PPP1R13L: variants seen among roughly 807,000 people sequenced by gnomAD.
PPP1R13L encodes the protein relA-associated inhibitor.
In PPP1R13L, 50 loss-of-function variants were observed where a neutral mutation model predicts 80.9. The observed-to-expected ratio is 0.62, with a 90% CI of 0.49 to 0.78. The LOEUF (loss-of-function observed/expected upper bound fraction) is 0.78, where lower values mean the gene tolerates loss of function less well. Ranked by LOEUF, PPP1R13L falls within the 30% of genes least tolerant of loss-of-function variation. The pLI is 0.00. For missense variants in PPP1R13L, 1,200 were observed against 1,205.9 expected (o/e 1.00, Z 0.07); for synonymous variants, 602 against 534.3 (o/e 1.13, Z -1.75).
rs752003459 is a variant in PPP1R13L, at chr19:45,396,581, C to G, written c.676G>C (p.Gly226Arg). Residue 226 changes from glycine (G) to arginine (R), a missense_variant, in exon 4 of 13, where the codon GGC becomes CGC. Coordinates refer to ENST00000360957, the MANE Select transcript of PPP1R13L (RefSeq NM_006663.4). The surrounding 1 kb of genome is among the most constrained non-coding windows in gnomAD (Gnocchi z 5.3). ...SAFGSSLLGS[G>R]GSAFAPPLRA... ...AGAGGCGGGGCGAATGCGCTGCCGC[C>G]GGAGCCTAGCAGGGAGCTCCCGAAG... The G allele has an allele frequency of 8.6e-6, 13 of 1,504,342 alleles. No individual in the cohort carries two copies. The highest frequency in any genetic ancestry group is 1.1e-5 in the Non-Finnish European group (13 of 1,134,680). The allele number at this position is 1,504,342 out of a possible 1,614,324, so 93.2% of individuals were successfully genotyped here.
At position 45,396,104 on chromosome 19, in the gene PPP1R13L, C is replaced by A; in HGVS notation, c.903+64G>T. On this transcript the variant is annotated intron_variant, in intron 6 of 12. Coordinates refer to ENST00000360957, the MANE Select transcript of PPP1R13L (RefSeq NM_006663.4). This position sits in a 1 kb window ranked among gnomAD's most constrained non-coding sequence, Gnocchi z 5.3. The stretch of plus-strand genomic sequence containing the variant: ...CCCCGAGGGGGAGACTGGCCTTGAC[C>A]CCGCTCCCCCACCCCACTCCTCGAC... 1.3e-6 allele frequency: 2 copies of A among 1,521,886 alleles called. No homozygotes were observed. The highest frequency in any genetic ancestry group is 1.8e-6 in the Non-Finnish European group (2 of 1,129,282). 94.3% of individuals were successfully genotyped at this position (1,521,886 alleles called of 1,614,324 possible). A position where few individuals can be genotyped will look rare whatever the true frequency, so the allele number is the denominator to read the frequency against.
In PPP1R13L at chr19:45,382,458, C is replaced by A. The variant is rs1972780782; in HGVS notation, c.2448+69G>T. The A allele has an allele frequency of 1.8e-5, 28 of 1,542,444 alleles. No homozygotes were observed. The South Asian group carries it at 2.9e-4, about 16-fold the overall frequency. On this transcript the variant is annotated intron_variant, in intron 12 of 12. Transcript: ENST00000360957. ...TTGTTCCTGTTGCCTCTTCTTTTTC[C>A]TGTGGGATCCCCCTTTTCCCCAACC...
intron 8 of PPP1R13L, among the ~76,000 whole-genome samples, chr19:45,389,345 C>T (rs1430632575): frequency 2.0e-5 from 3 of 152,124 alleles, no homozygotes; most frequent in Non-Finnish European, 4.4e-5. Flanking sequence ...GATCTCTTCC[C>T]GCTGTCTACG....
chr19:45,392,386 C>A, intron 7 of PPP1R13L, 46 bp from the exon 8 acceptor site: 1 of 1,562,492 alleles, frequency 6.4e-7, no homozygotes. Context: ...CCAGGAGACA[C>A]CCAACACTCC....
At chr19:45,389,916 C>T (rs1291907840) in intron 8 of PPP1R13L, among the ~76,000 whole-genome samples, 3 of 151,828 alleles carry the variant, frequency 2.0e-5, no homozygotes, top group Non-Finnish European at 4.4e-5. Flanking sequence ...CTCTCAGCCT[C>T]CAGAGTAGCT....
intron 11 of PPP1R13L, among the ~76,000 whole-genome samples, 171 bp from the exon 12 acceptor site, chr19:45,382,897 G>A (rs1225641388): frequency 1.3e-5 from 2 of 152,166 alleles, no homozygotes; most frequent in African/African-American, 2.4e-5. Flanking sequence ...GTCAGATGCC[G>A]GGACTGGCCG....
chr19:45,382,997 T>TTTTC (rs1555780571), intron 11 of PPP1R13L, among the ~76,000 whole-genome samples: 1 of 22,842 alleles, frequency 4.4e-5, no homozygotes, highest in Non-Finnish European at 7.2e-5. Context: ...CTTTTCTTTC[T>TTTTC]TTTTTTTTTT....
Position 45,395,422 on chromosome 19 carries a change from C to T in PPP1R13L, c.1354+14G>A. On this transcript the variant is annotated intron_variant, in intron 7 of 12. Coordinates refer to ENST00000360957, the MANE Select transcript of PPP1R13L (RefSeq NM_006663.4). ...CCTTCACCCAGTCCTCTAGGGCCCT[C>T]ATTGCTGACTCACCTTCGTTCACAG... The T allele has an allele frequency of 6.4e-7, 1 of 1,561,276 alleles. No individual in the cohort carries two copies. The highest frequency in any genetic ancestry group is 8.6e-7 in the Non-Finnish European group (1 of 1,160,522).
intron 12 of PPP1R13L, among the ~76,000 whole-genome samples, chr19:45,381,673 G>A (rs970322048): frequency 3.3e-5 from 5 of 151,756 alleles, no homozygotes; most frequent in African/African-American, 9.7e-5. Flanking sequence ...GCACATGCCT[G>A]TAATCCCAGG....
intron 1 of PPP1R13L, among the ~76,000 whole-genome samples, chr19:45,399,632 CAAAT>C (rs959193102): frequency 6.4e-5 from 6 of 94,364 alleles, no homozygotes; most frequent in Admixed American, 5.1e-4. Context: ...TTAAAACAAA[CAAAT>C]AAATAAATAT....
At position 45,396,996 on chromosome 19, in the gene PPP1R13L, CT is replaced by C; in HGVS notation, c.260del (p.Lys87ArgfsTer137). On this transcript the variant is annotated frameshift_variant, in exon 4 of 13. Transcript: ENST00000360957. LOFTEE classifies it high-confidence loss of function. This position sits in a 1 kb window ranked among gnomAD's most constrained non-coding sequence, Gnocchi z 5.3. ...EPFGSRGSPR[K>X]AATDGADTPF... ...GGGTGTCTGCGCCGTCGGTGGCCGC[CT>C]TCCGGGGGGACCCTCGGCTGCCGAA... is the stretch of plus-strand genomic sequence containing the variant. The C allele has an allele frequency of 7.3e-7, 1 of 1,378,250 alleles. No individual in the cohort carries two copies. Among genetic ancestry groups the C allele is most frequent in the Non-Finnish European group, 9.4e-7 (1 of 1,067,390 alleles). The allele number at this position is 1,378,250 out of a possible 1,614,324, so 85.4% of individuals were successfully genotyped here.
At chr19:45,380,484 T>C (rs1972741358) in intron 12 of PPP1R13L, among the ~76,000 whole-genome samples, 1 of 152,042 alleles carries the variant, frequency 6.6e-6, no homozygotes, top group South Asian at 2.1e-4. Flanking sequence ...CTCTAACACC[T>C]TGGTTGTCTT....
chr19:45,387,968 A>C (rs573778737), intron 8 of PPP1R13L, among the ~76,000 whole-genome samples: 2 of 152,240 alleles, frequency 1.3e-5, no homozygotes, highest in South Asian at 4.1e-4. Flanking sequence ...CAGGAGTTCA[A>C]GACCAGCCTG....
chr19:45,400,878 G>A lies in PPP1R13L; in HGVS notation c.-21-2539C>T, dbSNP rs1488332202. ...TGCAAGCTCCGCCTCCCGGGTTCAC[G>A]CCATTCTCCCGCCTCAGCCTCCCAA... On this transcript the variant is annotated intron_variant, in intron 1 of 12. Transcript: ENST00000360957. Among the ~76,000 whole-genome samples the A allele has an allele frequency of 3.0e-5, 2 of 65,710 alleles. 1 individual carries two copies. Among genetic ancestry groups the A allele is most frequent in the Admixed American group, 4.2e-4 (2 of 4,710 alleles). 43.1% of individuals were successfully genotyped at this position (65,710 alleles called of 152,430 possible). A position where few individuals can be genotyped will look rare whatever the true frequency, so the allele number is the denominator to read the frequency against.
chr19:45,399,428 T>C (rs1020497938), intron 1 of PPP1R13L, among the ~76,000 whole-genome samples: 38 of 143,856 alleles, frequency 2.6e-4, no homozygotes, highest in African/African-American at 8.3e-4. Context: ...AGCGAGACCA[T>C]CCTGGCTAAC....
At chr19:45,384,943 T>C (rs1972837374) in intron 11 of PPP1R13L, among the ~76,000 whole-genome samples, 1 of 152,048 alleles carries the variant, frequency 6.6e-6, no homozygotes, top group Non-Finnish European at 1.5e-5. Context: ...TATAACCCTC[T>C]GTCTCACCCA....
intron 1 of PPP1R13L, among the ~76,000 whole-genome samples, chr19:45,401,354 CA>C (rs34884152): frequency 0.3 from 34,434 of 116,142 alleles, 4,365 homozygotes; most frequent in African/African-American, 0.38. Flanking sequence ...GACTCCGTCC[CA>C]AAAAAAAAAA....
chr19:45,394,277 G>A (rs758347280), intron 7 of PPP1R13L, among the ~76,000 whole-genome samples: 6 of 151,786 alleles, frequency 4.0e-5, no homozygotes, highest in South Asian at 2.1e-4. Flanking sequence ...GACTACAGGC[G>A]CCCACTACCA....
At position 45,396,230 on chromosome 19, in the gene PPP1R13L, G is replaced by A; in HGVS notation, c.841C>T (p.Pro281Ser). 1.2e-6 allele frequency: 2 copies of A among 1,610,224 alleles called. No homozygotes were observed. The highest frequency in any genetic ancestry group is 1.7e-6 in the Non-Finnish European group (2 of 1,179,382). ...RLDVFARPASPSLQLLPWRES... is the reference protein window; with the variant it reads ...RLDVFARPASSSLQLLPWRES... Reference sequence around the variant, plus strand: ...CTCCAAGGCAACAGCTGCAGGCTCGGCGAGGCAGGCCTTGCGAAGACGTCC... The same window carrying A: ...CTCCAAGGCAACAGCTGCAGGCTCGACGAGGCAGGCCTTGCGAAGACGTCC... Residue 281 changes from proline (P) to serine (S), a missense_variant, in exon 6 of 13, where the codon CCG becomes TCG. Physicochemically the swap from Pro to Ser is moderately conservative, Grantham distance 74. Coordinates refer to ENST00000360957, the MANE Select transcript of PPP1R13L (RefSeq NM_006663.4). The surrounding 1 kb of genome is among the most constrained non-coding windows in gnomAD (Gnocchi z 5.3).
Sources: gnomAD v4.1 joint callset for allele counts (sites outside exome capture counted in the v4.1 genomes callset) on GRCh38, gnomAD v4.1.1 for gene constraint, Gnocchi (gnomAD v3.1) non-coding constraint, MANE v1.5 for transcripts, NCBI Gene and HGNC (gene_info 2026-07-23, HGNC 2026-07-21) for gene names.